Variants in DKK2 observed in about 807,000 individuals in gnomAD.
DKK2 encodes the protein dickkopf-related protein 2.
Under a neutral mutation model 28.1 loss-of-function variants are expected in DKK2, and 11 were observed. The ratio of observed to expected loss-of-function variants is 0.39; its 90% CI spans 0.25 to 0.65. The LOEUF (loss-of-function observed/expected upper bound fraction) is 0.65. DKK2 is among the 30% of genes least tolerant of loss of function. DKK2 has a pLI of 0.47. For synonymous variants in DKK2, 135 were observed against 126.5 expected, an observed-to-expected ratio of 1.07 and a Z score of -0.45; for missense variants, 326 against 335.5, an observed-to-expected ratio of 0.97 and a Z score of 0.22.
chr4:107,001,484 T>A (rs751866330), intron 1 of DKK2, among the ~76,000 whole-genome samples: 8 of 152,168 alleles, frequency 5.3e-5, no homozygotes, highest in Non-Finnish European at 7.4e-5. Context: ...ATGATATTCC[T>A]ACATTCAGGA....
At chr4:106,981,155 A>AG (rs1312801985) in intron 1 of DKK2, among the ~76,000 whole-genome samples, 3 of 152,080 alleles carry the variant, frequency 2.0e-5, no homozygotes, top group Non-Finnish European at 4.4e-5. Context: ...TATATGGGGG[A>AG]GAAAAAGGGA....
chr4:107,017,408 AG>A (rs941485555), intron 1 of DKK2, among the ~76,000 whole-genome samples: 1 of 151,986 alleles, frequency 6.6e-6, no homozygotes, highest in Non-Finnish European at 1.5e-5. Flanking sequence ...AGTGAAGATG[AG>A]TGGGTTTTAC....
chr4:107,000,623 C>T (rs1723345242), intron 1 of DKK2, among the ~76,000 whole-genome samples: 1 of 152,082 alleles, frequency 6.6e-6, no homozygotes, highest in South Asian at 2.1e-4. Flanking sequence ...TTGAAGGGAC[C>T]CTGTTCCAGA....
In DKK2 at chr4:107,024,282, A is replaced by C. The variant is rs375784142; in HGVS notation, c.222+11088T>G. The stretch of plus-strand genomic sequence containing the variant: ...GCACATCCCAGGCATGACAGAAAAA[A>C]ATAAAGACATAGGGCTCTTCTTGAA... On this transcript the variant is annotated intron_variant, in intron 1 of 3. Transcript: ENST00000285311. Among the ~76,000 whole-genome samples, 15 of 152,278 alleles carry C rather than the reference A, an allele frequency of 9.9e-5. No homozygotes were observed. In the South Asian group the frequency reaches 2.5e-3, roughly 25 times the overall value.
At chr4:106,929,740 G>A (rs767660415) in intron 1 of DKK2, among the ~76,000 whole-genome samples, 5 of 152,124 alleles carry the variant, frequency 3.3e-5, no homozygotes, top group African/African-American at 7.2e-5. Context: ...TTGGTATTTC[G>A]TTTTAGCATA....
In DKK2 at chr4:107,036,254, T is replaced by A. The variant is rs552341052; in HGVS notation, c.-663A>T. 1 of 152,526 alleles carries A rather than the reference T, an allele frequency of 6.6e-6. No individual in the cohort carries two copies. Among genetic ancestry groups the A allele is most frequent in the Non-Finnish European group, 1.5e-5 (1 of 68,276 alleles). 9.4% of individuals were successfully genotyped at this position (152,526 alleles called of 1,614,324 possible). A position where few individuals can be genotyped will look rare whatever the true frequency, so the allele number is the denominator to read the frequency against. ...CAGCGAATCGCTGCCAGCGCAGCGA[T>A]GCCTAGGGAGCGGACTTGCGCTACG... On this transcript the variant is annotated 5_prime_UTR_variant, in exon 1 of 4. Coordinates refer to ENST00000285311, the MANE Select transcript of DKK2 (RefSeq NM_014421.3).
chr4:107,015,366 C>T (rs1420568766), intron 1 of DKK2, among the ~76,000 whole-genome samples: 1 of 151,536 alleles, frequency 6.6e-6, no homozygotes, highest in Admixed American at 6.6e-5. Flanking sequence ...TCAAATGCCT[C>T]TCCATGTATT....
intron 1 of DKK2, among the ~76,000 whole-genome samples, chr4:106,930,897 A>G (rs936959899): frequency 1.3e-5 from 2 of 152,170 alleles, no homozygotes; most frequent in Non-Finnish European, 2.9e-5. Flanking sequence ...TACATTTGGG[A>G]AACCTGATCG....
chr4:106,978,925 G>C (rs1475854175), intron 1 of DKK2, among the ~76,000 whole-genome samples: 1 of 152,142 alleles, frequency 6.6e-6, no homozygotes, highest in African/African-American at 2.4e-5. Context: ...TACGGGTTGC[G>C]AAGACTGTGG....
chr4:107,020,821 A>T (rs1004858692), intron 1 of DKK2, among the ~76,000 whole-genome samples: 1 of 152,042 alleles, frequency 6.6e-6, no homozygotes, highest in African/African-American at 2.4e-5. Flanking sequence ...ATGAAGTAAC[A>T]TGTGCCACCA....
chr4:106,986,057 G>A (rs1723115408), intron 1 of DKK2, among the ~76,000 whole-genome samples: 1 of 152,080 alleles, frequency 6.6e-6, no homozygotes, highest in Non-Finnish European at 1.5e-5. Context: ...CTTGGGAAGC[G>A]TGGTTATTCA....
chr4:106,947,446 G>A (rs2110345749), intron 1 of DKK2, among the ~76,000 whole-genome samples: 1 of 152,036 alleles, frequency 6.6e-6, no homozygotes, highest in Non-Finnish European at 1.5e-5. Context: ...CACATTGTTT[G>A]GCAACACTTC....
At chr4:107,019,127 C>T (rs549969708) in intron 1 of DKK2, among the ~76,000 whole-genome samples, 13 of 151,958 alleles carry the variant, frequency 8.6e-5, no homozygotes, top group East Asian at 1.9e-4. Context: ...CCAGAGTTTA[C>T]GGGCACGGCT....
intron 1 of DKK2, among the ~76,000 whole-genome samples, chr4:106,988,027 G>A (rs1166867601): frequency 6.6e-6 from 1 of 151,952 alleles, no homozygotes; most frequent in Non-Finnish European, 1.5e-5. Context: ...ATCACGCCCG[G>A]CTAATTTTTT....
At chr4:106,933,472 A>G (rs1313401537) in intron 1 of DKK2, among the ~76,000 whole-genome samples, 3 of 152,232 alleles carry the variant, frequency 2.0e-5, no homozygotes, top group African/African-American at 7.2e-5. Context: ...AAAATAACAC[A>G]TAACACACAC....
intron 1 of DKK2, among the ~76,000 whole-genome samples, chr4:106,998,595 T>C (rs1416975325): frequency 6.6e-6 from 1 of 152,194 alleles, no homozygotes; most frequent in Non-Finnish European, 1.5e-5. Flanking sequence ...TGCTTTCTTA[T>C]GTAAACGGAA....
At chr4:107,026,112 T>A (rs1723775345) in intron 1 of DKK2, among the ~76,000 whole-genome samples, 1 of 152,248 alleles carries the variant, frequency 6.6e-6, no homozygotes. Flanking sequence ...TCCCAATGTG[T>A]CATCCAGTTC....
intron 1 of DKK2, among the ~76,000 whole-genome samples, chr4:107,031,532 C>T (rs1234266556): frequency 6.6e-6 from 1 of 151,992 alleles, no homozygotes; most frequent in Non-Finnish European, 1.5e-5. Flanking sequence ...AAACCACTAT[C>T]CTTGAAGTGT....
At chr4:107,014,863 C>T (rs545144213) in intron 1 of DKK2, among the ~76,000 whole-genome samples, 3 of 151,158 alleles carry the variant, frequency 2.0e-5, no homozygotes, top group Non-Finnish European at 4.5e-5. Flanking sequence ...CTATCAGTAG[C>T]CATTGTATTT....
Sources: allele counts gnomAD v4.1 joint callset (sites outside exome capture counted in the v4.1 genomes callset), GRCh38; gene constraint gnomAD v4.1.1; transcripts MANE v1.5; gene names NCBI Gene and HGNC (gene_info 2026-07-23, HGNC 2026-07-21).